The following TMX1 variants were observed in gnomAD, a reference collection of about 807,000 sequenced individuals.
TMX1 encodes the protein thioredoxin-related transmembrane protein 1.
Under a neutral mutation model 36.6 loss-of-function variants are expected in TMX1, and 25 were observed. The observed-to-expected ratio is 0.68, with a 90% CI of 0.50 to 0.95. The LOEUF (loss-of-function observed/expected upper bound fraction) is 0.95, where lower values mean the gene tolerates loss of function less well. Ranked by LOEUF, TMX1 falls within the 40% of genes least tolerant of loss-of-function variation. The probability of loss-of-function intolerance (pLI) is 0.00; values close to 1 mark genes in which losing one functional copy is unlikely to be tolerated. For missense variants in TMX1, 347 were observed against 339.6 expected, an observed-to-expected ratio of 1.02 and a Z score of -0.17; for synonymous variants, 133 against 118.0, an observed-to-expected ratio of 1.13 and a Z score of -0.82.
At chr14:51,245,285 A>C (rs768282195) in intron 2 of TMX1, 28 bp from the exon 3 acceptor site, 93 of 1,612,986 alleles carry the variant, frequency 5.8e-5, no homozygotes, top group Non-Finnish European at 7.5e-5. Flanking sequence ...GGCCTATGTA[A>C]AACCTGCTGT....
Position 51,254,618 on chromosome 14 carries a change from C to A in TMX1, c.*99C>A. Reference sequence around the variant, plus strand: ...TGAACTGTGACTTTTTTGAATATTGCAGGGTTCAGTCTAGATTGTCATTAA... The same window carrying A: ...TGAACTGTGACTTTTTTGAATATTGAAGGGTTCAGTCTAGATTGTCATTAA... On this transcript the variant is annotated 3_prime_UTR_variant, in exon 8 of 8. Transcript: ENST00000457354. The A allele has an allele frequency of 1.9e-6, 2 of 1,069,584 alleles. No individual in the cohort carries two copies. Among genetic ancestry groups the A allele is most frequent in the Non-Finnish European group, 2.7e-6 (2 of 744,676 alleles). 66.3% of individuals were successfully genotyped at this position (1,069,584 alleles called of 1,614,324 possible).
intron 7 of TMX1, among the ~76,000 whole-genome samples, chr14:51,251,312 G>T (rs1035604741): frequency 5.9e-5 from 9 of 152,126 alleles, no homozygotes; most frequent in African/African-American, 9.7e-5. Context: ...ATTAGGTTAG[G>T]TTAGGTGTAT....
intron 2 of TMX1, 59 bp from the exon 3 acceptor site, chr14:51,245,254 C>G (rs1464345032): frequency 1.3e-6 from 2 of 1,595,288 alleles, no homozygotes; most frequent in African/African-American, 2.7e-5. Flanking sequence ...TTCAAAGTCA[C>G]GTTTTAAGTA....
chr14:51,251,315 A>G (rs1446658802), intron 7 of TMX1, among the ~76,000 whole-genome samples: 1 of 152,174 alleles, frequency 6.6e-6, no homozygotes, highest in Non-Finnish European at 1.5e-5. Flanking sequence ...AGGTTAGGTT[A>G]GGTGTATTAA....
intron 7 of TMX1, among the ~76,000 whole-genome samples, chr14:51,252,965 A>T (rs1194010990): frequency 6.6e-6 from 1 of 152,114 alleles, no homozygotes; most frequent in East Asian, 1.9e-4. Flanking sequence ...GCTCACAAGG[A>T]CATCTGGATC....
intron 3 of TMX1, 90 bp downstream of exon 3, chr14:51,245,448 A>G (rs1213397696): frequency 2.5e-6 from 4 of 1,575,162 alleles, no homozygotes; most frequent in East Asian, 4.6e-5. Context: ...ATGCTGGAAG[A>G]GCTGAGGTAA....
At chr14:51,250,573 C>CA (rs1372226722) in intron 7 of TMX1, among the ~76,000 whole-genome samples, 1 of 152,184 alleles carries the variant, frequency 6.6e-6, no homozygotes, top group Non-Finnish European at 1.5e-5. Flanking sequence ...CTCACTGCAA[C>CA]CTCTGCCTTC....
At position 51,249,305 on chromosome 14, in the gene TMX1, AATC is replaced by A. The variant is rs1279516400; in HGVS notation, c.444-17_444-15del. On this transcript the variant is annotated intron_variant, in intron 4 of 7. Transcript: ENST00000457354. Reference sequence around the variant, plus strand: ...ATCTGTGTATGTTACTCAGTTTTTTAATCATCTCTTTTATTTTTAGGATGAGTA... The same window carrying A: ...ATCTGTGTATGTTACTCAGTTTTTTAATCTCTTTTATTTTTAGGATGAGTA... The A allele has an allele frequency of 1.3e-6, 2 of 1,588,662 alleles. No individual in the cohort carries two copies. The highest frequency in any genetic ancestry group is 1.7e-6 in the Non-Finnish European group (2 of 1,169,566).
chr14:51,254,538 T>G lies in TMX1; in HGVS notation c.*19T>G. Reference sequence around the variant, plus strand: ...ATCCTAGTTAAATTTTATAGTTATCTTAATATTATGATTTTGATAAAAACA... The same window carrying G: ...ATCCTAGTTAAATTTTATAGTTATCGTAATATTATGATTTTGATAAAAACA... On this transcript the variant is annotated 3_prime_UTR_variant, in exon 8 of 8. Coordinates refer to ENST00000457354, the MANE Select transcript of TMX1 (RefSeq NM_030755.5). 1 of 1,564,040 alleles carries G rather than the reference T, an allele frequency of 6.4e-7. No homozygotes were observed. Among genetic ancestry groups the G allele is most frequent in the Non-Finnish European group, 8.6e-7 (1 of 1,161,258 alleles).
intron 7 of TMX1, among the ~76,000 whole-genome samples, chr14:51,253,743 C>T (rs1044864695): frequency 2.6e-5 from 4 of 152,116 alleles, no homozygotes; most frequent in African/African-American, 9.7e-5. Context: ...GTAATAAAAT[C>T]ATACATATGG....
chr14:51,240,500 C>G (rs148278446), intron 1 of TMX1, 56 bp downstream of exon 1: 1 of 1,575,618 alleles, frequency 6.3e-7, no homozygotes, highest in Non-Finnish European at 8.6e-7. Context: ...GACTTCACCC[C>G]GCACGTTCCT....
At chr14:51,245,181 A>G (rs1209453202) in intron 2 of TMX1, 132 bp from the exon 3 acceptor site, 10 of 1,038,570 alleles carry the variant, frequency 9.6e-6, no homozygotes, top group Non-Finnish European at 9.8e-6. Flanking sequence ...TAAATTATGT[A>G]TTACGAAGCT....
chr14:51,245,400 ATAG>A, intron 3 of TMX1, 42 bp downstream of exon 3: 1 of 1,610,668 alleles, frequency 6.2e-7, no homozygotes, highest in Non-Finnish European at 8.5e-7. Flanking sequence ...AGGATGCATT[ATAG>A]TGTAATCAGA....
Position 51,255,893 on chromosome 14 carries a change from G to A in TMX1, c.*1374G>A, listed in dbSNP as rs1327941830. ...GCTCTGTTGCTGTGTGAATCCATTAGATTTACAGTATCGTAATATACAAGT... is the reference window on the plus strand; with the variant it reads ...GCTCTGTTGCTGTGTGAATCCATTAAATTTACAGTATCGTAATATACAAGT... On this transcript the variant is annotated 3_prime_UTR_variant, in exon 8 of 8. Transcript: ENST00000457354. 6.6e-6 allele frequency: 1 copy of A among 152,458 alleles called. No homozygotes were observed. Among genetic ancestry groups the A allele is most frequent in the African/African-American group, 2.4e-5 (1 of 41,428 alleles). 9.4% of individuals were successfully genotyped at this position (152,458 alleles called of 1,614,324 possible).
At position 51,249,752 on chromosome 14, in the gene TMX1, C is replaced by G. The variant is rs1236604252; in HGVS notation, c.651C>G (p.Tyr217Ter). ...CAAAAAGGCGCAGACCACAGCCGTACCCATACCCTTCAAGTAAGTATATTT... is the reference window on the plus strand; with the variant it reads ...CAAAAAGGCGCAGACCACAGCCGTAGCCATACCCTTCAAGTAAGTATATTT... ...CPSKRRRPQPYPYPSKKLLSE... is the reference protein window; with the variant it reads ...CPSKRRRPQP Residue 217 changes from tyrosine (Y) to a stop codon, truncating the protein, a stop_gained, in exon 7 of 8, where the codon TAC (tyrosine) becomes TAG (stop). Coordinates refer to ENST00000457354, the MANE Select transcript of TMX1 (RefSeq NM_030755.5). LOFTEE classifies it high-confidence loss of function. 6.2e-7 allele frequency: 1 copy of G among 1,608,832 alleles called. No homozygotes were observed. Among genetic ancestry groups the G allele is most frequent in the South Asian group, 1.1e-5 (1 of 90,592 alleles).
chr14:51,241,292 G>A (rs1455763003), intron 1 of TMX1, among the ~76,000 whole-genome samples: 1 of 152,138 alleles, frequency 6.6e-6, no homozygotes, highest in Non-Finnish European at 1.5e-5. Context: ...TGCTTTAGAT[G>A]CTAAGTCGTT....
intron 7 of TMX1, among the ~76,000 whole-genome samples, chr14:51,252,289 A>T (rs1237451079): frequency 1.8e-5 from 1 of 55,796 alleles, no homozygotes; most frequent in Non-Finnish European, 4.9e-5. Context: ...TTCCCTTTAA[A>T]TATCTGTTAA....
At chr14:51,245,458 ATC>A in intron 3 of TMX1, 100 bp downstream of exon 3, 1 of 1,562,662 alleles carries the variant, frequency 6.4e-7, no homozygotes, top group Non-Finnish European at 8.7e-7. Flanking sequence ...AGCTGAGGTA[ATC>A]TCATTATATT....
At chr14:51,253,025 G>C (rs2065822057) in intron 7 of TMX1, among the ~76,000 whole-genome samples, 1 of 152,118 alleles carries the variant, frequency 6.6e-6, no homozygotes. Context: ...GAAAACCATA[G>C]TCACAATCTA....
Sources: allele counts gnomAD v4.1 joint callset (sites outside exome capture counted in the v4.1 genomes callset), GRCh38; gene constraint gnomAD v4.1.1; transcripts MANE v1.5; gene names NCBI Gene and HGNC (gene_info 2026-07-23, HGNC 2026-07-21).